Variants in PTCHD4 observed in about 807,000 individuals in gnomAD.
PTCHD4 encodes the protein patched domain containing 4.
PTCHD4 carries 33 observed loss-of-function variants against 58.1 expected under a neutral mutation model. That is an observed-to-expected ratio of 0.57 (90% CI 0.43 to 0.76). The LOEUF (loss-of-function observed/expected upper bound fraction) is 0.76, where lower values mean the gene tolerates loss of function less well. Among genes scored for constraint, PTCHD4 ranks in the 30% least tolerant of loss-of-function variants. The pLI is 0.00. For synonymous variants in PTCHD4, 478 were observed against 409.6 expected, an observed-to-expected ratio of 1.17 and a Z score of -2.02; for missense variants, 1,058 against 1,027.1, an observed-to-expected ratio of 1.03 and a Z score of -0.41.
intron 4 of PTCHD4, among the ~76,000 whole-genome samples, chr6:47,886,756 T>C (rs1037787690): frequency 6.6e-6 from 1 of 152,282 alleles, no homozygotes; most frequent in Admixed American, 6.5e-5. Context: ...TTTGGCATTA[T>C]GTGGGATCAT....
chr6:47,921,347 TA>T (rs370121040), intron 4 of PTCHD4, among the ~76,000 whole-genome samples: 12 of 152,300 alleles, frequency 7.9e-5, no homozygotes, highest in African/African-American at 2.6e-4. Context: ...TTTTGTTAAT[TA>T]AATGATCTTA....
rs146836723 is a variant in PTCHD4, at chr6:48,028,097, A to G, written c.418-18983T>C. ...GCTGAGATTACAGATGCACACTACT[A>G]TGCCTGGCTAATTTTTGTATTTTTT... On this transcript the variant is annotated intron_variant, in intron 3 of 4. Coordinates refer to ENST00000339488, the MANE Select transcript of PTCHD4 (RefSeq NM_001384253.1). Among the ~76,000 whole-genome samples, 879 of 152,032 alleles carry G rather than the reference A, an allele frequency of 5.8e-3. 6 individuals are homozygous for G. Among genetic ancestry groups the G allele is most frequent in the African/African-American group, 0.018 (766 of 41,476 alleles).
rs1223295769 is a variant in PTCHD4, at chr6:47,860,320, G to T, written c.*17983C>A. ...CAAGGTAATCAAGAAAGAAATGAAA[G>T]AAATATATAAAACTGTCAATTAAGA... is the stretch of plus-strand genomic sequence containing the variant. On this transcript the variant is annotated 3_prime_UTR_variant, in exon 5 of 5. Coordinates refer to ENST00000339488, the MANE Select transcript of PTCHD4 (RefSeq NM_001384253.1). 6.6e-6 allele frequency among the ~76,000 whole-genome samples: 1 copy of T among 151,912 alleles called. No homozygotes were observed. The highest frequency in any genetic ancestry group is 1.5e-5 in the Non-Finnish European group (1 of 67,926).
At chr6:48,104,581 G>T (rs969216705) in intron 1 of PTCHD4, among the ~76,000 whole-genome samples, 1 of 152,140 alleles carries the variant, frequency 6.6e-6, no homozygotes, top group East Asian at 1.9e-4. Flanking sequence ...ATAATGATAG[G>T]ATCAAATTCA....
chr6:48,013,082 G>A (rs963767925), intron 3 of PTCHD4, among the ~76,000 whole-genome samples: 19 of 152,128 alleles, frequency 1.2e-4, no homozygotes, highest in African/African-American at 4.6e-4. Context: ...GATGATGCTG[G>A]CCTCATAAAA....
intron 4 of PTCHD4, among the ~76,000 whole-genome samples, chr6:47,995,180 AT>A (rs1561996114): frequency 2.0e-5 from 3 of 152,200 alleles, no homozygotes; most frequent in African/African-American, 7.2e-5. Flanking sequence ...TACTTAGTTC[AT>A]TTACTTACAT....
At chr6:47,891,653 C>G (rs562506386) in intron 4 of PTCHD4, among the ~76,000 whole-genome samples, 26 of 152,220 alleles carry the variant, frequency 1.7e-4, no homozygotes, top group Admixed American at 1.2e-3. Flanking sequence ...AGTAAACAAC[C>G]ATGCTCCCTT....
intron 1 of PTCHD4, among the ~76,000 whole-genome samples, chr6:48,072,139 T>C (rs1440292937): frequency 6.6e-6 from 1 of 152,160 alleles, no homozygotes; most frequent in Admixed American, 6.5e-5. Flanking sequence ...TATGTGCAGC[T>C]TACACTTAAG....
chr6:47,932,958 T>A (rs1765874197), intron 4 of PTCHD4, among the ~76,000 whole-genome samples: 1 of 152,200 alleles, frequency 6.6e-6, no homozygotes, highest in Non-Finnish European at 1.5e-5. Context: ...TTTGTATTAT[T>A]AATCAAAGGA....
intron 4 of PTCHD4, 95 bp from the exon 5 acceptor site, chr6:47,880,031 ATACTC>A (rs1763974615): frequency 2.0e-6 from 2 of 978,426 alleles, no homozygotes; most frequent in Non-Finnish European, 2.9e-6. Flanking sequence ...ATGGCACTTT[ATACTC>A]TAATCTTCAA....
chr6:48,015,330 T>C (rs941446817), intron 3 of PTCHD4, among the ~76,000 whole-genome samples: 1 of 151,982 alleles, frequency 6.6e-6, no homozygotes, highest in African/African-American at 2.4e-5. Flanking sequence ...ACATCATCCC[T>C]ACACCTAAAA....
rs1763500078 is a variant in PTCHD4, at chr6:47,864,290, G to A, written c.*14013C>T. 6.8e-6 allele frequency among the ~76,000 whole-genome samples: 1 copy of A among 146,366 alleles called. No homozygotes were observed. Among genetic ancestry groups the A allele is most frequent in the African/African-American group, 2.5e-5 (1 of 39,886 alleles). ...GGAGAATCGCTGCTCTATAAATGGA[G>A]CCCATTATTTTTGAGATATATATAT... On this transcript the variant is annotated 3_prime_UTR_variant, in exon 5 of 5. Transcript: ENST00000339488.
At chr6:48,000,034 G>C (rs1169953791) in intron 4 of PTCHD4, among the ~76,000 whole-genome samples, 1 of 152,090 alleles carries the variant, frequency 6.6e-6, no homozygotes, top group Non-Finnish European at 1.5e-5. Flanking sequence ...TCACTTCTGA[G>C]GTAAGGCTGT....
intron 4 of PTCHD4, among the ~76,000 whole-genome samples, chr6:47,897,918 ATCCTTTCTTTT>A (rs1764573574): frequency 7.1e-6 from 1 of 139,952 alleles, no homozygotes; most frequent in Admixed American, 7.0e-5. Flanking sequence ...TTATCATTTC[ATCCTTTCTTTT>A]TTCTTTCTTT....
intron 4 of PTCHD4, among the ~76,000 whole-genome samples, chr6:47,999,609 C>T (rs552610111): frequency 5.9e-5 from 9 of 152,260 alleles, no homozygotes; most frequent in Middle Eastern, 6.8e-3. Flanking sequence ...CTGGTTCACG[C>T]TTTGGGAAAT....
chr6:48,034,383 C>A (rs765563459), intron 3 of PTCHD4, among the ~76,000 whole-genome samples: 9 of 151,954 alleles, frequency 5.9e-5, no homozygotes, highest in Admixed American at 2.6e-4. Context: ...TCAGGTCGAA[C>A]CTGATAAATG....
intron 3 of PTCHD4, among the ~76,000 whole-genome samples, chr6:48,060,634 T>G (rs1246508151): frequency 2.0e-5 from 3 of 152,128 alleles, no homozygotes; most frequent in Non-Finnish European, 4.4e-5. Flanking sequence ...CCACCACACC[T>G]GGCTAATTTC....
intron 4 of PTCHD4, among the ~76,000 whole-genome samples, chr6:47,893,154 G>A (rs918568199): frequency 6.6e-6 from 1 of 152,132 alleles, no homozygotes; most frequent in African/African-American, 2.4e-5. Flanking sequence ...GGGACTACAG[G>A]CGTGTGCCAC....
intron 1 of PTCHD4, among the ~76,000 whole-genome samples, chr6:48,079,970 ATTTTTTTTTTT>A (rs141629864): frequency 3.9e-4 from 30 of 76,146 alleles, no homozygotes; most frequent in Middle Eastern, 9.1e-3. Flanking sequence ...CCTTATGATG[ATTTTTTTTTTT>A]TTTTTTTTTT....
Sources: allele counts gnomAD v4.1 joint callset (sites outside exome capture counted in the v4.1 genomes callset), GRCh38; gene constraint gnomAD v4.1.1; transcripts MANE v1.5; gene names NCBI Gene and HGNC (gene_info 2026-07-23, HGNC 2026-07-21).